Variants in CFAP263 observed in about 807,000 individuals in gnomAD.
CFAP263 encodes cilia- and flagella-associated protein 263.
At chr16:58,251,552 C>T in the CFAP263 span, among the ~76,000 whole-genome samples, 2 of 152,080 alleles carry the variant, frequency 1.3e-5, no homozygotes, top group Non-Finnish European at 2.9e-5. Flanking sequence ...CCACCACACC[C>T]AGCTAATTCT....
the CFAP263 span, chr16:58,252,742 T>C: frequency 6.2e-7 from 1 of 1,613,618 alleles, no homozygotes; most frequent in Non-Finnish European, 8.5e-7. Context: ...TAAACTCTGC[T>C]CTCAAAACTG....
At chr16:58,279,640 C>G in the CFAP263 span, 1 of 1,441,380 alleles carries the variant, frequency 6.9e-7, no homozygotes, top group South Asian at 1.3e-5. Context: ...GTGACTTTCT[C>G]CCCCATCTCC....
the CFAP263 span, chr16:58,259,735 GTGA>G: frequency 1.7e-6 from 1 of 582,226 alleles, no homozygotes; most frequent in Non-Finnish European, 3.0e-6. Context: ...CCTAAAATAA[GTGA>G]CAGAATGTTA....
the CFAP263 span, chr16:58,258,217 T>C: frequency 1.7e-6 from 1 of 604,044 alleles, no homozygotes; most frequent in Non-Finnish European, 2.8e-6. Flanking sequence ...ATTGATATAG[T>C]CAAGTTTGTA....
the CFAP263 span, among the ~76,000 whole-genome samples, chr16:58,262,120 C>T: frequency 2.0e-5 from 3 of 151,902 alleles, no homozygotes; most frequent in Admixed American, 6.6e-5. Context: ...AACAACACAT[C>T]GCACTGCACC....
At chr16:58,274,565 CTCATGAGATCTGATGGTTT>C in the CFAP263 span, among the ~76,000 whole-genome samples, 2 of 152,164 alleles carry the variant, frequency 1.3e-5, no homozygotes, top group South Asian at 4.1e-4. Flanking sequence ...TGAGGGAGTT[CTCATGAGATCTGATGGTTT>C]TTAAAGTGGC....
At chr16:58,258,534 A>G in the CFAP263 span, 1 of 1,612,960 alleles carries the variant, frequency 6.2e-7, no homozygotes, top group Non-Finnish European at 8.5e-7. Flanking sequence ...GTAAGTTGGC[A>G]GACAGAGCTT....
At chr16:58,257,010 A>ATTTTTTTTTTT in the CFAP263 span, among the ~76,000 whole-genome samples, 71 of 50,146 alleles carry the variant, frequency 1.4e-3, no homozygotes, top group African/African-American at 3.7e-3. Context: ...GCATATATGA[A>ATTTTTTTTTTT]TTTCTTTTTT....
At chr16:58,277,931 A>G in the CFAP263 span, among the ~76,000 whole-genome samples, 1 of 152,170 alleles carries the variant, frequency 6.6e-6, no homozygotes, top group Non-Finnish European at 1.5e-5. Flanking sequence ...AGAGGAGGGA[A>G]GGAGGAGTGA....
chr16:58,277,408 C>T, the CFAP263 span, among the ~76,000 whole-genome samples: 14 of 152,124 alleles, frequency 9.2e-5, no homozygotes, highest in African/African-American at 2.7e-4. Context: ...GGATTACAGG[C>T]GTGAGCCACT....
At chr16:58,272,251 C>T in the CFAP263 span, among the ~76,000 whole-genome samples, 11 of 150,332 alleles carry the variant, frequency 7.3e-5, no homozygotes, top group Non-Finnish European at 3.0e-5. Flanking sequence ...CTCCTGACCT[C>T]GTGATCTGCC....
the CFAP263 span, chr16:58,250,071 G>C: frequency 6.3e-7 from 1 of 1,598,654 alleles, no homozygotes; most frequent in East Asian, 2.3e-5. Flanking sequence ...GGTCGGAGCT[G>C]GAGCTGCCTG....
chr16:58,251,889 G>C, the CFAP263 span, among the ~76,000 whole-genome samples: 2 of 152,144 alleles, frequency 1.3e-5, no homozygotes, highest in African/African-American at 4.8e-5. Flanking sequence ...AGTTAAAAAG[G>C]TTATAACCTT....
the CFAP263 span, among the ~76,000 whole-genome samples, chr16:58,275,430 G>C: frequency 6.6e-6 from 1 of 151,370 alleles, no homozygotes; most frequent in Admixed American, 6.6e-5. Context: ...ACCAAGGAAG[G>C]TTTTTTTGTT....
the CFAP263 span, among the ~76,000 whole-genome samples, chr16:58,261,544 G>A: frequency 6.6e-6 from 1 of 152,214 alleles, no homozygotes; most frequent in Admixed American, 6.5e-5. Flanking sequence ...ATGTGTAATT[G>A]TATACAGAAG....
At chr16:58,280,938 A>ACTTTTC in the CFAP263 span, 1 of 588,264 alleles carries the variant, frequency 1.7e-6, no homozygotes, top group South Asian at 2.6e-5. Context: ...CAACAAGATG[A>ACTTTTC]CTTTTCCTTT....
At chr16:58,264,470 C>T in the CFAP263 span, among the ~76,000 whole-genome samples, 1 of 152,212 alleles carries the variant, frequency 6.6e-6, no homozygotes, top group African/African-American at 2.4e-5. Flanking sequence ...GAGTGAGAGC[C>T]ATTCCTGGGG....
At chr16:58,252,480 C>T in the CFAP263 span, among the ~76,000 whole-genome samples, 2 of 152,078 alleles carry the variant, frequency 1.3e-5, no homozygotes, top group Non-Finnish European at 2.9e-5. Context: ...TTTTGTGGCT[C>T]ATTAAACATA....
At chr16:58,264,964 T>G in the CFAP263 span, among the ~76,000 whole-genome samples, 1 of 152,196 alleles carries the variant, frequency 6.6e-6, no homozygotes, top group East Asian at 1.9e-4. Context: ...AATGGGCTCT[T>G]CTCTTCTGTG....
Sources: gnomAD v4.1 joint callset for allele counts (sites outside exome capture counted in the v4.1 genomes callset) on GRCh38, gnomAD v4.1.1 for gene constraint, MANE v1.5 for transcripts, NCBI Gene and HGNC (gene_info 2026-07-23, HGNC 2026-07-21) for gene names.